The following ACOT9 variants were observed in gnomAD, a reference collection of about 807,000 sequenced individuals.
The protein encoded by ACOT9 is acyl-CoA thioesterase 9, also known as acyl-coenzyme A thioesterase 9, mitochondrial.
ACOT9 carries 34 observed loss-of-function variants against 39.7 expected under a neutral mutation model. The observed-to-expected ratio is 0.86, with a 90% CI of 0.65 to 1.14. The LOEUF (loss-of-function observed/expected upper bound fraction) is 1.14. Among genes scored for constraint, ACOT9 ranks in the 50% most tolerant of loss-of-function variants. ACOT9 has a pLI of 0.00. For missense variants in ACOT9, 313 were observed against 344.1 expected (o/e 0.91, Z 0.71); for synonymous variants, 110 against 120.5 (o/e 0.91, Z 0.57).
At chrX:23,719,575 G>GATCTGA (rs1364380791) in intron 8 of ACOT9, among the ~76,000 whole-genome samples, 4 of 110,003 alleles carry the variant, frequency 3.6e-5, no homozygotes, top group Non-Finnish European at 7.6e-5. Flanking sequence ...TGGGCTGGGG[G>GATCTGA]GGATGGTTTT....
chrX:23,723,632 A>G (rs1929401357), intron 6 of ACOT9, among the ~76,000 whole-genome samples: 1 of 105,270 alleles, frequency 9.5e-6, no homozygotes, highest in South Asian at 4.3e-4. Flanking sequence ...AAGTTGTATG[A>G]TTATATGTTG....
chrX:23,715,090 A>T (rs1170851499), intron 8 of ACOT9, among the ~76,000 whole-genome samples: 2 of 110,800 alleles, frequency 1.8e-5, no homozygotes, highest in Non-Finnish European at 3.8e-5. Context: ...CACCAATCTC[A>T]TTATGCCTCT....
At chrX:23,721,719 G>T (rs1929324232) in intron 8 of ACOT9, among the ~76,000 whole-genome samples, 162 bp downstream of exon 8, 1 of 112,132 alleles carries the variant, frequency 8.9e-6, no homozygotes, top group Non-Finnish European at 1.9e-5. Context: ...CCACAAGGAG[G>T]ATATTAATAA....
chrX:23,701,797 G>A lies in ACOT9; in HGVS notation c.*2097C>T, dbSNP rs1487297915. 1.3e-4 allele frequency among the ~76,000 whole-genome samples: 14 copies of A among 111,308 alleles called. No homozygotes were observed. ...TGTTAAAAATGCTTTCCACCGGCCG[G>A]GTGCAGTGGCTCATGCCTATAATCC... On this transcript the variant is annotated 3_prime_UTR_variant, in exon 16 of 16. Coordinates refer to ENST00000379303, the MANE Select transcript of ACOT9 (RefSeq NM_001037171.2).
At chrX:23,739,775 T>C (rs1930070224) in intron 1 of ACOT9, among the ~76,000 whole-genome samples, 2 of 109,615 alleles carry the variant, frequency 1.8e-5, no homozygotes, top group Admixed American at 2.0e-4. Context: ...CCAGCCTGGG[T>C]AAAAGAGCAA....
chrX:23,733,770 GTT>G (rs1301453933), intron 3 of ACOT9, among the ~76,000 whole-genome samples: 1 of 110,842 alleles, frequency 9.0e-6, no homozygotes, highest in Admixed American at 9.7e-5. Flanking sequence ...GTTTTGTTTT[GTT>G]TTGTTTGAGA....
rs749930971 is a variant in ACOT9, at chrX:23,717,826, G to A, written c.588+4055C>T. ...TGCCAGGCTGGGGGCGGCGGCCCAC[G>A]CCTATAATTCCAGCACTTTGGGAGG... On this transcript the variant is annotated intron_variant, in intron 8 of 15. Coordinates refer to ENST00000379303, the MANE Select transcript of ACOT9 (RefSeq NM_001037171.2). Among the ~76,000 whole-genome samples, 8 of 112,135 alleles carry A rather than the reference G, an allele frequency of 7.1e-5. No homozygotes were observed. In the South Asian group the frequency reaches 1.8e-3, roughly 26 times the overall value.
chrX:23,713,456 C>T (rs1928971069), intron 8 of ACOT9, among the ~76,000 whole-genome samples: 1 of 107,428 alleles, frequency 9.3e-6, no homozygotes, highest in African/African-American at 3.4e-5. Flanking sequence ...GCGCATGCCT[C>T]TAACCTCAGC....
intron 15 of ACOT9, 75 bp from the exon 16 acceptor site, chrX:23,704,057 A>T: frequency 1.1e-6 from 1 of 873,804 alleles, no homozygotes; most frequent in Non-Finnish European, 1.7e-6. Flanking sequence ...TACAAACACA[A>T]GACTACTTGG....
intron 6 of ACOT9, among the ~76,000 whole-genome samples, chrX:23,725,390 G>A (rs1453148277): frequency 2.0e-5 from 2 of 99,763 alleles, no homozygotes. Flanking sequence ...AGAACTGCTC[G>A]AACTCGAGAG....
chrX:23,719,778 G>A (rs1289822519), intron 8 of ACOT9, among the ~76,000 whole-genome samples: 6 of 111,882 alleles, frequency 5.4e-5, no homozygotes, highest in Non-Finnish European at 1.1e-4. Context: ...CTGCTATGTA[G>A]CCCATGGCCC....
chrX:23,713,557 A>G (rs1928976580), intron 8 of ACOT9, among the ~76,000 whole-genome samples: 1 of 107,634 alleles, frequency 9.3e-6, no homozygotes, highest in African/African-American at 3.4e-5. Context: ...TAAAAAAAAA[A>G]AAAGAAAAAA....
At chrX:23,736,109 C>A in intron 1 of ACOT9, 93 bp from the exon 2 acceptor site, 1 of 668,009 alleles carries the variant, frequency 1.5e-6, no homozygotes, top group South Asian at 2.8e-5. Flanking sequence ...CTGGCCATAT[C>A]ACCCTTAGTA....
intron 6 of ACOT9, among the ~76,000 whole-genome samples, chrX:23,729,078 C>G (rs960005411): frequency 9.0e-6 from 1 of 111,341 alleles, no homozygotes; most frequent in African/African-American, 3.3e-5. Context: ...CCACCCCCCC[C>G]CACATAAGGT....
intron 1 of ACOT9, among the ~76,000 whole-genome samples, chrX:23,742,243 A>AGAGAGAGAGAGAGAGAGAGGGAGAGG (rs1920979009): frequency 1.8e-5 from 1 of 56,295 alleles, no homozygotes; most frequent in Non-Finnish European, 2.9e-5. Context: ...AGAGGGAGAG[A>AGAGAGAGAGAGAGAGAGAGGGAGAGG]GAGAGAGAGA....
At chrX:23,706,334 C>G (rs992008461) in intron 11 of ACOT9, among the ~76,000 whole-genome samples, 2 of 109,328 alleles carry the variant, frequency 1.8e-5, no homozygotes, top group Non-Finnish European at 3.8e-5. Context: ...TGGAGACAGG[C>G]AGATCACCTG....
At chrX:23,709,245 C>A (rs1276372091) in intron 9 of ACOT9, among the ~76,000 whole-genome samples, 1 of 110,827 alleles carries the variant, frequency 9.0e-6, no homozygotes, top group Non-Finnish European at 1.9e-5. Flanking sequence ...ATACAAAAGT[C>A]AGCCGGGTGT....
intron 8 of ACOT9, among the ~76,000 whole-genome samples, chrX:23,719,989 C>T (rs1286704633): frequency 3.8e-5 from 4 of 105,600 alleles, no homozygotes; most frequent in Non-Finnish European, 8.1e-5. Context: ...CACCCGCCAC[C>T]ACGCCCGGCT....
intron 5 of ACOT9, 83 bp from the exon 6 acceptor site, chrX:23,730,647 A>G: frequency 1.0e-6 from 1 of 997,450 alleles, no homozygotes; most frequent in Admixed American, 2.3e-5. Flanking sequence ...CAGGGTGATG[A>G]AAATGTTCTA....
Sources: allele counts gnomAD v4.1 joint callset (sites outside exome capture counted in the v4.1 genomes callset), GRCh38; gene constraint gnomAD v4.1.1; transcripts MANE v1.5; gene names NCBI Gene and HGNC (gene_info 2026-07-23, HGNC 2026-07-21).